Variants in SDK1 observed in about 807,000 individuals in gnomAD.
SDK1 encodes the protein protein sidekick-1.
Under a neutral mutation model 245.5 loss-of-function variants are expected in SDK1, and 157 were observed. That is an observed-to-expected ratio of 0.64 (90% CI 0.56 to 0.73). The LOEUF (loss-of-function observed/expected upper bound fraction) is 0.73. Among genes scored for constraint, SDK1 ranks in the 30% least tolerant of loss-of-function variants. The pLI, the probability that SDK1 is intolerant of heterozygous loss-of-function variation, is 0.00. For missense variants in SDK1, 3,583 were observed against 3,002.3 expected, an observed-to-expected ratio of 1.19 and a Z score of -4.52; for synonymous variants, 1,647 against 1,278.5, an observed-to-expected ratio of 1.29 and a Z score of -6.15.
At chr7:3,685,224 AAG>A (rs1403331502) in intron 4 of SDK1, among the ~76,000 whole-genome samples, 13 of 151,906 alleles carry the variant, frequency 8.6e-5, no homozygotes, top group African/African-American at 3.1e-4. Flanking sequence ...TAAAAAAAAA[AAG>A]AGAGAAATGA....
chr7:4,104,878 T>A (rs992118098), intron 22 of SDK1, among the ~76,000 whole-genome samples: 18 of 152,026 alleles, frequency 1.2e-4, no homozygotes, highest in South Asian at 6.2e-4. Flanking sequence ...ATTTTTTTTT[T>A]AATTATTTTG....
intron 4 of SDK1, among the ~76,000 whole-genome samples, chr7:3,703,533 G>A (rs1325045558): frequency 1.3e-5 from 2 of 152,184 alleles, no homozygotes; most frequent in African/African-American, 4.8e-5. Flanking sequence ...TGGCTGGACT[G>A]TAGTGGTGGT....
intron 1 of SDK1, among the ~76,000 whole-genome samples, chr7:3,373,241 C>G (rs540503779): frequency 6.6e-5 from 10 of 152,284 alleles, no homozygotes; most frequent in African/African-American, 2.2e-4. Context: ...GGCAGAATCA[C>G]CTAACACGAA....
chr7:3,678,961 T>TAC (rs1467025020), intron 4 of SDK1, among the ~76,000 whole-genome samples: 1 of 152,030 alleles, frequency 6.6e-6, no homozygotes, highest in African/African-American at 2.4e-5. Context: ...TGACAAAACA[T>TAC]ACGAGAGATT....
intron 1 of SDK1, among the ~76,000 whole-genome samples, chr7:3,569,968 C>G (rs1213798397): frequency 6.6e-6 from 1 of 152,186 alleles, no homozygotes; most frequent in African/African-American, 2.4e-5. Context: ...TTTTCTCTCA[C>G]TTTGGCCTTA....
At chr7:3,422,349 A>T (rs1335536540) in intron 1 of SDK1, among the ~76,000 whole-genome samples, 3 of 152,246 alleles carry the variant, frequency 2.0e-5, no homozygotes, top group African/African-American at 7.2e-5. Context: ...TGAAAACCTC[A>T]TAGGAAAGAA....
intron 14 of SDK1, among the ~76,000 whole-genome samples, chr7:4,003,588 C>T (rs184968749): frequency 7.2e-5 from 11 of 152,304 alleles, no homozygotes; most frequent in African/African-American, 2.6e-4. Context: ...GATTATGGGG[C>T]TTTGGGAAGA....
At position 3,549,535 on chromosome 7, in the gene SDK1, G is replaced by A. The variant is rs1182143691; in HGVS notation, c.299-69545G>A. Among the ~76,000 whole-genome samples the A allele has an allele frequency of 2.0e-5, 3 of 152,196 alleles. No individual in the cohort carries two copies. The East Asian group carries it at 5.8e-4, about 29-fold the overall frequency. ...TCTTACAGTATTCAGTGTGAAGTAG[G>A]ATAGAGGTATATCATCGATCACAGT... On this transcript the variant is annotated intron_variant, in intron 1 of 44. Coordinates refer to ENST00000404826, the MANE Select transcript of SDK1 (RefSeq NM_152744.4).
At chr7:3,896,081 A>G (rs79303144) in intron 5 of SDK1, among the ~76,000 whole-genome samples, 3,661 of 152,276 alleles carry the variant, frequency 0.024, 171 homozygotes, top group African/African-American at 0.084. Flanking sequence ...GTAAATATCA[A>G]TTAGGTCAAG....
At chr7:3,428,140 C>T (rs76735089) in intron 1 of SDK1, among the ~76,000 whole-genome samples, 6,918 of 152,252 alleles carry the variant, frequency 0.045, 476 homozygotes, top group African/African-American at 0.15. Flanking sequence ...CTCAGATGCA[C>T]AGTGACCAAT....
At chr7:4,036,879 G>A (rs1444167532) in intron 17 of SDK1, among the ~76,000 whole-genome samples, 1 of 152,176 alleles carries the variant, frequency 6.6e-6, no homozygotes, top group Non-Finnish European at 1.5e-5. Flanking sequence ...GTGCTACACA[G>A]TCTATGATAT....
chr7:3,810,740 T>C (rs909334738), intron 4 of SDK1, among the ~76,000 whole-genome samples: 2 of 152,232 alleles, frequency 1.3e-5, no homozygotes, highest in Non-Finnish European at 2.9e-5. Context: ...ATCAATTCTA[T>C]TTATGACACA....
chr7:4,093,682 C>T (rs1044584769), intron 22 of SDK1, among the ~76,000 whole-genome samples: 9 of 152,208 alleles, frequency 5.9e-5, no homozygotes, highest in African/African-American at 1.9e-4. Context: ...GCGGCGTCGA[C>T]AGCGACAGCG....
intron 5 of SDK1, among the ~76,000 whole-genome samples, chr7:3,920,680 C>T (rs1038272389): frequency 2.6e-5 from 4 of 151,974 alleles, no homozygotes; most frequent in Non-Finnish European, 4.4e-5. Context: ...GGTGGAGATT[C>T]GGGAGTGACT....
intron 1 of SDK1, among the ~76,000 whole-genome samples, chr7:3,364,986 G>A (rs751299799): frequency 2.4e-4 from 37 of 152,104 alleles, no homozygotes; most frequent in Non-Finnish European, 4.6e-4. Context: ...ACATGTTTCG[G>A]TAGCTTTACA....
At chr7:3,874,975 T>A (rs924320709) in intron 5 of SDK1, among the ~76,000 whole-genome samples, 3 of 152,076 alleles carry the variant, frequency 2.0e-5, no homozygotes, top group Non-Finnish European at 4.4e-5. Flanking sequence ...CCCTTTAGGG[T>A]TCCTGGAGGA....
chr7:3,999,585 G>T (rs913486747), intron 14 of SDK1, among the ~76,000 whole-genome samples: 3 of 152,158 alleles, frequency 2.0e-5, no homozygotes, highest in Non-Finnish European at 2.9e-5. Context: ...GAGGCTGGTG[G>T]CCAAGGACTC....
At chr7:4,174,739 C>A (rs537302473) in intron 33 of SDK1, among the ~76,000 whole-genome samples, 1 of 152,264 alleles carries the variant, frequency 6.6e-6, no homozygotes, top group Admixed American at 6.5e-5. Flanking sequence ...CTGTCTGTAC[C>A]AGACAGCCTC....
chr7:3,900,030 A>G (rs934087396), intron 5 of SDK1, among the ~76,000 whole-genome samples: 9 of 152,258 alleles, frequency 5.9e-5, no homozygotes, highest in Non-Finnish European at 1.3e-4. Context: ...ATCGGATACC[A>G]GTGTATGACA....
Sources: allele counts gnomAD v4.1 joint callset (sites outside exome capture counted in the v4.1 genomes callset), GRCh38; gene constraint gnomAD v4.1.1; transcripts MANE v1.5; gene names NCBI Gene and HGNC (gene_info 2026-07-23, HGNC 2026-07-21).